PDE6A: variants seen among roughly 807,000 people sequenced by gnomAD.
PDE6A encodes the protein phosphodiesterase 6A.
A neutral mutation model predicts 106.3 loss-of-function variants in PDE6A; 84 were observed. That is an observed-to-expected ratio of 0.79 (90% CI 0.66 to 0.95). The LOEUF (loss-of-function observed/expected upper bound fraction) is 0.95, where lower values mean the gene tolerates loss of function less well. PDE6A is among the 40% of genes least tolerant of loss of function. The pLI is 0.00. For missense variants in PDE6A, 1,052 were observed against 1,084.9 expected, an observed-to-expected ratio of 0.97 and a Z score of 0.43; for synonymous variants, 394 against 386.6, an observed-to-expected ratio of 1.02 and a Z score of -0.23.
At position 149,907,311 on chromosome 5, in the gene PDE6A, C is replaced by A; in HGVS notation, c.1065+1G>T. The A allele has an allele frequency of 1.9e-6, 3 of 1,610,628 alleles. No homozygotes were observed. Among genetic ancestry groups the A allele is most frequent in the Non-Finnish European group, 1.7e-6 (2 of 1,176,816 alleles). ...TCCCCCTTCAAAGTTATATTACTTA[C>A]CAGGCCATTCTGGGCAACATAAGCT... On this transcript the variant is annotated splice_donor_variant, in intron 7 of 21. Coordinates refer to ENST00000255266, the MANE Select transcript of PDE6A (RefSeq NM_000440.3). LOFTEE classifies it high-confidence loss of function.
rs759563967 is a variant in PDE6A at position 149,866,226 on chromosome 5, C to A, written c.2302G>T (p.Glu768Ter). ...AAGCCGACTTGAAGCTTAGGGAGTTCATCTGCTTTGTTTCTGTCCATCATG... is the reference window on the plus strand; with the variant it reads ...AAGCCGACTTGAAGCTTAGGGAGTTAATCTGCTTTGTTTCTGTCCATCATG... ...IPMMDRNKAD[E>*]LPKLQVGFID... is the part of the protein sequence containing the mutation. The change falls in exon 20 of 22, where the codon GAA becomes TAA. Residue 768 changes from glutamate to a stop codon, truncating the protein, a stop_gained. Transcript: ENST00000255266. LOFTEE classifies it high-confidence loss of function. 1.1e-5 allele frequency: 17 copies of A among 1,613,966 alleles called. No individual in the cohort carries two copies. The Admixed American group carries it at 2.3e-4, about 22-fold the overall frequency.
intron 4 of PDE6A, among the ~76,000 whole-genome samples, chr5:149,921,989 G>C (rs1753736683): frequency 6.6e-6 from 1 of 152,182 alleles, no homozygotes; most frequent in African/African-American, 2.4e-5. Context: ...AGGGAAAGCA[G>C]GGTCTTTACG....
At chr5:149,886,415 G>C (rs908179722) in intron 13 of PDE6A, 41 bp from the exon 14 acceptor site, 1 of 1,483,920 alleles carries the variant, frequency 6.7e-7, no homozygotes, top group Non-Finnish European at 9.4e-7. Context: ...CTTTTGTGTA[G>C]GGGCTGGAAG....
chr5:149,877,285 G>A (rs1049487803), intron 17 of PDE6A, among the ~76,000 whole-genome samples: 1 of 152,010 alleles, frequency 6.6e-6, no homozygotes, highest in Non-Finnish European at 1.5e-5. Context: ...CAAATAGTCT[G>A]GGTCCAAATA....
intron 13 of PDE6A, among the ~76,000 whole-genome samples, chr5:149,891,198 G>A (rs549078964): frequency 5.9e-4 from 90 of 152,300 alleles, no homozygotes; most frequent in African/African-American, 2.1e-3. Flanking sequence ...GGCTGGGTGC[G>A]GAGGCTGGTG....
chr5:149,870,879 G>GAAAGAAAGAA (rs1581152557), intron 17 of PDE6A, among the ~76,000 whole-genome samples: 2 of 118,138 alleles, frequency 1.7e-5, no homozygotes, highest in Admixed American at 1.7e-4. Flanking sequence ...GAAAGAAAGA[G>GAAAGAAAGAA]AAAGAAAGAA....
intron 19 of PDE6A, 58 bp from the exon 20 acceptor site, chr5:149,866,311 T>C: frequency 8.4e-7 from 1 of 1,190,278 alleles, no homozygotes; most frequent in East Asian, 2.3e-5. Flanking sequence ...CTACCCTATC[T>C]ATGAAGCATT....
At chr5:149,918,004 C>CTAAG (rs1753604194) in intron 5 of PDE6A, among the ~76,000 whole-genome samples, 1 of 152,106 alleles carries the variant, frequency 6.6e-6, no homozygotes, top group African/African-American at 2.4e-5. Flanking sequence ...CTCTAAGGTT[C>CTAAG]TAAGGACAAT....
intron 17 of PDE6A, among the ~76,000 whole-genome samples, chr5:149,881,445 G>A (rs1760919188): frequency 6.6e-6 from 1 of 152,200 alleles, no homozygotes; most frequent in Admixed American, 6.5e-5. Context: ...AGCCTTTGCA[G>A]CAACAGGGAT....
At chr5:149,892,868 T>C (rs905517405) in intron 13 of PDE6A, among the ~76,000 whole-genome samples, 9 of 152,326 alleles carry the variant, frequency 5.9e-5, no homozygotes, top group African/African-American at 2.2e-4. Flanking sequence ...TAAACACAAT[T>C]GCATTAGGCA....
chr5:149,878,121 G>A (rs1158859366), intron 17 of PDE6A, among the ~76,000 whole-genome samples: 1 of 152,102 alleles, frequency 6.6e-6, no homozygotes, highest in East Asian at 1.9e-4. Context: ...TGTGCCTACT[G>A]GGCTGCTTCT....
At chr5:149,913,966 A>T (rs1400975921) in intron 6 of PDE6A, among the ~76,000 whole-genome samples, 1 of 152,190 alleles carries the variant, frequency 6.6e-6, no homozygotes, top group Non-Finnish European at 1.5e-5. Context: ...GTCACACATG[A>T]GGGGACATTG....
In PDE6A at chr5:149,896,712, A is replaced by T. The variant is rs1257912454; in HGVS notation, c.1472T>A (p.Leu491Gln). 1 of 1,614,038 alleles carries T rather than the reference A, an allele frequency of 6.2e-7. No homozygotes were observed. Among genetic ancestry groups the T allele is most frequent in the Non-Finnish European group, 8.5e-7 (1 of 1,180,026 alleles). Residue 491 changes from leucine (L) to glutamine (Q), a missense_variant and splice_region_variant, in exon 11 of 22, where the codon CTG becomes CAG. Around this residue, in one of 3 missense-constraint regions of PDE6A, gnomAD observed 913 missense variants for 915.2 expected, o/e 1.00. Coordinates refer to ENST00000255266, the MANE Select transcript of PDE6A (RefSeq NM_000440.3). ...TCGTGCTGCCCCGGTTCAGCTCACC[A>T]GGATCTCAGCCAGCTCCTCTTCCTC... ...ECEEEELAEI[L>Q]QAELPDADKY...
At chr5:149,881,027 T>A (rs938584198) in intron 17 of PDE6A, among the ~76,000 whole-genome samples, 1 of 152,088 alleles carries the variant, frequency 6.6e-6, no homozygotes, top group Non-Finnish European at 1.5e-5. Context: ...CGTGCTGCTG[T>A]ACTCCAGCCT....
At position 149,875,485 on chromosome 5, in the gene PDE6A, C is replaced by CTTTTTTTTT; in HGVS notation, c.2136-7328_2136-7327insAAAAAAAAA. Among the ~76,000 whole-genome samples, 2 of 148,204 alleles carry CTTTTTTTTT rather than the reference C, an allele frequency of 1.3e-5. 1 individual carries two copies. On this transcript the variant is annotated intron_variant, in intron 17 of 21. Coordinates refer to ENST00000255266, the MANE Select transcript of PDE6A (RefSeq NM_000440.3). Reference sequence around the variant, plus strand: ...ATTTATAGCACATTATACATACTGACTATTTTTTTTTTTTTTTTTGAGTCG... The same window carrying CTTTTTTTTT: ...ATTTATAGCACATTATACATACTGACTTTTTTTTTTATTTTTTTTTTTTTTTTTGAGTCG...
intron 20 of PDE6A, among the ~76,000 whole-genome samples, chr5:149,864,244 T>A (rs1319910053): frequency 2.4e-5 from 1 of 40,916 alleles, no homozygotes; most frequent in Non-Finnish European, 4.8e-5. Context: ...GAGAAGATGA[T>A]TTTTTTTTTT....
intron 17 of PDE6A, among the ~76,000 whole-genome samples, chr5:149,872,297 C>A (rs149564196): frequency 1.0e-3 from 152 of 152,310 alleles, no homozygotes; most frequent in Non-Finnish European, 1.8e-3. Context: ...TAGTCCAAAT[C>A]AGTTAAAATT....
At chr5:149,888,880 G>A (rs1236134151) in intron 13 of PDE6A, among the ~76,000 whole-genome samples, 4 of 151,684 alleles carry the variant, frequency 2.6e-5, no homozygotes, top group African/African-American at 2.4e-5. Flanking sequence ...TCAGGAGATC[G>A]AGACCATCCT....
At chr5:149,920,974 G>GAAAGAAAC (rs1753696427) in intron 5 of PDE6A, among the ~76,000 whole-genome samples, 1 of 131,050 alleles carries the variant, frequency 7.6e-6, no homozygotes, top group Admixed American at 7.5e-5. Flanking sequence ...AAGAAAGAAA[G>GAAAGAAAC]AAAGAAAGAA....
Sources: allele counts gnomAD v4.1 joint callset (sites outside exome capture counted in the v4.1 genomes callset), GRCh38; gene constraint gnomAD v4.1.1; regional missense constraint gnomAD v4.1.1; transcripts MANE v1.5; gene names NCBI Gene and HGNC (gene_info 2026-07-23, HGNC 2026-07-21).